ZBTB44: variants seen among roughly 807,000 people sequenced by gnomAD.
The protein encoded by ZBTB44 is zinc finger and BTB domain-containing protein 44.
In ZBTB44, 15 loss-of-function variants were observed where a neutral mutation model predicts 54.0. The observed-to-expected ratio is 0.28, with a 90% CI of 0.19 to 0.43. ZBTB44 has a LOEUF of 0.43. Among genes scored for constraint, ZBTB44 ranks in the 20% least tolerant of loss-of-function variants. The pLI is 1.00. For missense variants in ZBTB44, 487 were observed against 707.1 expected (o/e 0.69, Z 3.53); for synonymous variants, 230 against 250.1 (o/e 0.92, Z 0.76).
intron 5 of ZBTB44, among the ~76,000 whole-genome samples, chr11:130,234,808 G>A (rs1172331715): frequency 1.3e-5 from 2 of 152,002 alleles, no homozygotes; most frequent in African/African-American, 4.8e-5. Context: ...TATTACATTT[G>A]GTATATGAAA....
intron 2 of ZBTB44, among the ~76,000 whole-genome samples, chr11:130,255,786 T>A (rs1334964300): frequency 6.7e-6 from 1 of 148,264 alleles, no homozygotes; most frequent in Non-Finnish European, 1.5e-5. Flanking sequence ...GCAAATAAAC[T>A]AGAAAATCTA....
At chr11:130,237,208 T>C (rs768556574) in intron 4 of ZBTB44, 115 bp from the exon 5 acceptor site, 11 of 1,057,570 alleles carry the variant, frequency 1.0e-5, no homozygotes, top group Non-Finnish European at 1.4e-5. Flanking sequence ...AAGGCAAGAA[T>C]TACCAGCAAA....
intron 1 of ZBTB44, among the ~76,000 whole-genome samples, chr11:130,275,573 T>G (rs1430869015): frequency 1.3e-5 from 2 of 152,206 alleles, no homozygotes; most frequent in African/African-American, 2.4e-5. Flanking sequence ...TTTGTGAGCT[T>G]CTCAAATTTT....
intron 1 of ZBTB44, among the ~76,000 whole-genome samples, chr11:130,266,412 A>T (rs916015332): frequency 2.6e-4 from 39 of 152,334 alleles, no homozygotes; most frequent in African/African-American, 8.2e-4. Context: ...CTAATATAAC[A>T]TCCATTCTGC....
intron 1 of ZBTB44, among the ~76,000 whole-genome samples, chr11:130,301,160 T>C (rs1348496577): frequency 1.3e-5 from 2 of 152,080 alleles, no homozygotes; most frequent in East Asian, 1.9e-4. Context: ...GGATTAGCCT[T>C]AAACAGGCGG....
intron 4 of ZBTB44, among the ~76,000 whole-genome samples, chr11:130,237,938 T>G (rs892329482): frequency 6.6e-6 from 1 of 152,232 alleles, no homozygotes; most frequent in African/African-American, 2.4e-5. Flanking sequence ...CCAAAATCTC[T>G]GTTATGTTTA....
intron 2 of ZBTB44, among the ~76,000 whole-genome samples, chr11:130,245,649 TC>T (rs1954609461): frequency 6.6e-6 from 1 of 152,130 alleles, no homozygotes; most frequent in South Asian, 2.1e-4. Context: ...AAGACTGGCA[TC>T]GGCTTCTCAC....
intron 1 of ZBTB44, among the ~76,000 whole-genome samples, chr11:130,290,249 C>A (rs570598594): frequency 6.6e-6 from 1 of 152,338 alleles, no homozygotes; most frequent in African/African-American, 2.4e-5. Flanking sequence ...CTGCAGCCCA[C>A]ATAAGCTGCA....
intron 1 of ZBTB44, among the ~76,000 whole-genome samples, chr11:130,301,648 A>G (rs924668674): frequency 6.6e-6 from 1 of 152,140 alleles, no homozygotes; most frequent in Non-Finnish European, 1.5e-5. Context: ...TGGGCAATTG[A>G]GCCAGATTCT....
chr11:130,251,465 G>C (rs764644875), intron 2 of ZBTB44, among the ~76,000 whole-genome samples: 1 of 152,086 alleles, frequency 6.6e-6, no homozygotes, highest in African/African-American at 2.4e-5. Context: ...GATACTCCTC[G>C]AGAATAGCAA....
intron 2 of ZBTB44, among the ~76,000 whole-genome samples, chr11:130,246,062 C>T (rs1165344639): frequency 6.6e-6 from 1 of 152,178 alleles, no homozygotes; most frequent in African/African-American, 2.4e-5. Flanking sequence ...ATGAAAGCCA[C>T]TCCAAGCTAA....
chr11:130,256,697 C>A (rs1478001387), intron 2 of ZBTB44, among the ~76,000 whole-genome samples: 1 of 148,378 alleles, frequency 6.7e-6, no homozygotes, highest in Non-Finnish European at 1.5e-5. Flanking sequence ...AAATTCAACA[C>A]CCCTTCATGC....
chr11:130,295,035 T>TA (rs1168504393), intron 1 of ZBTB44, among the ~76,000 whole-genome samples: 1 of 152,088 alleles, frequency 6.6e-6, no homozygotes, highest in Admixed American at 6.6e-5. Context: ...TGAGTAGCTG[T>TA]ACTGTGTGAC....
At chr11:130,263,658 G>A (rs897409003) in intron 1 of ZBTB44, among the ~76,000 whole-genome samples, 6 of 152,280 alleles carry the variant, frequency 3.9e-5, no homozygotes, top group South Asian at 2.1e-4. Flanking sequence ...AATGTACTAC[G>A]TTCTCAAGTG....
intron 2 of ZBTB44, among the ~76,000 whole-genome samples, chr11:130,241,154 C>CT (rs770088297): frequency 1.3e-5 from 2 of 152,170 alleles, no homozygotes; most frequent in Non-Finnish European, 2.9e-5. Context: ...AACAATGCTG[C>CT]TGTGAATATC....
intron 1 of ZBTB44, among the ~76,000 whole-genome samples, chr11:130,286,693 T>C (rs1236219571): frequency 2.6e-5 from 4 of 152,234 alleles, no homozygotes; most frequent in Admixed American, 2.6e-4. Context: ...CAATTATCAA[T>C]GAATATATTA....
At chr11:130,236,064 G>C in intron 5 of ZBTB44, 1 of 1,181,682 alleles carries the variant, frequency 8.5e-7, no homozygotes, top group Admixed American at 3.2e-5. Context: ...TAAAACAACA[G>C]TTTTATATCT....
intron 1 of ZBTB44, chr11:130,285,290 C>CTTTTTTTTTT (rs1217111966): frequency 8.1e-6 from 1 of 123,006 alleles, no homozygotes; most frequent in Non-Finnish European, 1.8e-5. Flanking sequence ...TTCTTGTTTT[C>CTTTTTTTTTT]TTTTTTTTTT....
intron 1 of ZBTB44, among the ~76,000 whole-genome samples, chr11:130,275,971 A>T (rs973142921): frequency 6.6e-6 from 1 of 150,956 alleles, no homozygotes; most frequent in Admixed American, 6.6e-5. Flanking sequence ...TCACGCCTGT[A>T]ATCCCAGCAC....
Sources: gnomAD v4.1 joint callset for allele counts (sites outside exome capture counted in the v4.1 genomes callset) on GRCh38, gnomAD v4.1.1 for gene constraint, MANE v1.5 for transcripts, NCBI Gene and HGNC (gene_info 2026-07-23, HGNC 2026-07-21) for gene names.